The following PPP2R5E variants were observed in gnomAD, a reference collection of about 807,000 sequenced individuals.
The protein encoded by PPP2R5E is protein phosphatase 2 regulatory subunit B'epsilon.
PPP2R5E carries 4 observed loss-of-function variants against 65.3 expected under a neutral mutation model. The ratio of observed to expected loss-of-function variants is 0.06; its 90% CI spans 0.03 to 0.14. The LOEUF (loss-of-function observed/expected upper bound fraction) is 0.14, where lower values mean the gene tolerates loss of function less well. Ranked by LOEUF, PPP2R5E falls within the 10% of genes least tolerant of loss-of-function variation. The probability of loss-of-function intolerance (pLI) is 1.00; values close to 1 mark genes in which losing one functional copy is unlikely to be tolerated. For missense variants in PPP2R5E, 274 were observed against 556.1 expected (o/e 0.49, Z 5.10); for synonymous variants, 183 against 187.4 (o/e 0.98, Z 0.19).
intron 5 of PPP2R5E, among the ~76,000 whole-genome samples, chr14:63,407,824 G>T (rs1372568324): frequency 6.6e-6 from 1 of 152,148 alleles, no homozygotes; most frequent in Non-Finnish European, 1.5e-5. Flanking sequence ...AGGGGATTTG[G>T]GACATGGGTT....
At chr14:63,454,043 G>T (rs147992649) in intron 2 of PPP2R5E, among the ~76,000 whole-genome samples, 158 bp from the exon 3 acceptor site, 1 of 152,186 alleles carries the variant, frequency 6.6e-6, no homozygotes, top group Non-Finnish European at 1.5e-5. Flanking sequence ...AGGGGATACC[G>T]TATCTACTAC....
chr14:63,461,341 CAG>C (rs1424536003), intron 2 of PPP2R5E, among the ~76,000 whole-genome samples: 7 of 137,480 alleles, frequency 5.1e-5, no homozygotes, highest in African/African-American at 2.1e-4. Flanking sequence ...AGTAAAATTA[CAG>C]AAAAAAAAAA....
intron 1 of PPP2R5E, among the ~76,000 whole-genome samples, chr14:63,540,437 A>G (rs1441082886): frequency 1.3e-5 from 2 of 150,748 alleles, no homozygotes; most frequent in East Asian, 1.9e-4. Flanking sequence ...TCTCAAAAAA[A>G]AAAAAAAAAA....
chr14:63,453,669 G>A lies in PPP2R5E; in HGVS notation c.354+20C>T, dbSNP rs762285278. 1.1e-5 allele frequency: 18 copies of A among 1,608,264 alleles called. No individual in the cohort carries two copies. The highest frequency in any genetic ancestry group is 2.7e-5 in the African/African-American group (2 of 74,686). ...ATGGAAGATGCTTAAAAGTGTCCGC[G>A]GAGAAAAAAAGAAACTCACCATTCT... is the stretch of plus-strand genomic sequence containing the variant. On this transcript the variant is annotated intron_variant, in intron 3 of 13. Transcript: ENST00000337537.
At chr14:63,447,462 T>C (rs1312347060) in intron 3 of PPP2R5E, among the ~76,000 whole-genome samples, 1 of 152,244 alleles carries the variant, frequency 6.6e-6, no homozygotes, top group East Asian at 1.9e-4. Context: ...TGCAGCTTCC[T>C]CAACTCTCTC....
At chr14:63,433,493 G>C (rs1311479857) in intron 3 of PPP2R5E, among the ~76,000 whole-genome samples, 6 of 152,074 alleles carry the variant, frequency 3.9e-5, no homozygotes, top group Non-Finnish European at 8.8e-5. Flanking sequence ...TTTCTCTTGG[G>C]CTTGCCTGAT....
At chr14:63,469,499 T>C (rs1290935754) in intron 2 of PPP2R5E, among the ~76,000 whole-genome samples, 2 of 152,184 alleles carry the variant, frequency 1.3e-5, no homozygotes, top group African/African-American at 4.8e-5. Flanking sequence ...AAGACCATCC[T>C]GGCTAACACG....
intron 11 of PPP2R5E, among the ~76,000 whole-genome samples, chr14:63,387,697 T>C (rs1215727269): frequency 6.6e-6 from 1 of 152,098 alleles, no homozygotes; most frequent in African/African-American, 2.4e-5. Context: ...AATTGAATTG[T>C]GTCCCCTCCA....
intron 2 of PPP2R5E, among the ~76,000 whole-genome samples, chr14:63,532,263 C>G (rs1299692378): frequency 1.3e-5 from 2 of 152,146 alleles, no homozygotes; most frequent in Admixed American, 1.3e-4. Flanking sequence ...GAAGATTTTT[C>G]ACTACACTTC....
intron 3 of PPP2R5E, among the ~76,000 whole-genome samples, chr14:63,444,387 C>T (rs11158491): frequency 0.44 from 66,504 of 152,018 alleles, 18,650 homozygotes; most frequent in African/African-American, 0.8. Context: ...ACAGACTTTA[C>T]TACTATATAT....
chr14:63,388,126 C>T (rs79474102), intron 11 of PPP2R5E, among the ~76,000 whole-genome samples: 111 of 91,650 alleles, frequency 1.2e-3, no homozygotes, highest in East Asian at 7.7e-3. Flanking sequence ...TTTTTTTTTT[C>T]TCCTTTCTTT....
intron 10 of PPP2R5E, 135 bp from the exon 11 acceptor site, chr14:63,389,866 T>C: frequency 1.1e-6 from 1 of 951,274 alleles, no homozygotes; most frequent in Non-Finnish European, 1.5e-6. Context: ...GAACCAGTCA[T>C]TATCCCATGT....
At chr14:63,425,515 A>G (rs536575016) in intron 3 of PPP2R5E, among the ~76,000 whole-genome samples, 28 of 152,236 alleles carry the variant, frequency 1.8e-4, no homozygotes, top group Admixed American at 1.4e-3. Context: ...AGGGGGGAAA[A>G]GGGGGCTTCT....
intron 2 of PPP2R5E, among the ~76,000 whole-genome samples, chr14:63,527,689 A>G (rs1050804193): frequency 6.6e-6 from 1 of 152,162 alleles, no homozygotes; most frequent in Non-Finnish European, 1.5e-5. Context: ...TAATCCCAGC[A>G]CTTTGAGAGG....
chr14:63,492,932 C>T (rs1052614626), intron 2 of PPP2R5E, among the ~76,000 whole-genome samples: 2 of 152,130 alleles, frequency 1.3e-5, no homozygotes, highest in Non-Finnish European at 2.9e-5. Context: ...CCAGGCTTCA[C>T]TTTGTCAAGC....
intron 2 of PPP2R5E, among the ~76,000 whole-genome samples, chr14:63,470,116 C>T (rs777328123): frequency 8.6e-5 from 13 of 151,932 alleles, no homozygotes; most frequent in South Asian, 2.1e-4. Context: ...CTGTCACCCA[C>T]GCTAGAGTGC....
intron 2 of PPP2R5E, among the ~76,000 whole-genome samples, chr14:63,497,283 C>A (rs1178983285): frequency 6.6e-6 from 1 of 152,050 alleles, no homozygotes; most frequent in Non-Finnish European, 1.5e-5. Flanking sequence ...AGATCTCTAG[C>A]CAATTAAGAA....
At chr14:63,540,699 G>A (rs1424767646) in intron 1 of PPP2R5E, among the ~76,000 whole-genome samples, 2 of 149,874 alleles carry the variant, frequency 1.3e-5, no homozygotes, top group African/African-American at 2.5e-5. Context: ...TCCAGCCTGG[G>A]CAGCAAGAGG....
At chr14:63,522,956 G>A (rs1349608484) in intron 2 of PPP2R5E, among the ~76,000 whole-genome samples, 5 of 147,148 alleles carry the variant, frequency 3.4e-5, no homozygotes, top group Non-Finnish European at 6.0e-5. Flanking sequence ...CGGGAGGGAG[G>A]TGGGGGGGTC....
Sources: gnomAD v4.1 joint callset for allele counts (sites outside exome capture counted in the v4.1 genomes callset) on GRCh38, gnomAD v4.1.1 for gene constraint, MANE v1.5 for transcripts, NCBI Gene and HGNC (gene_info 2026-07-23, HGNC 2026-07-21) for gene names.